LINGO2: variants seen among roughly 807,000 people sequenced by gnomAD.
The protein encoded by LINGO2 is leucine rich repeat and Ig domain containing 2, also known as leucine-rich repeat and immunoglobulin-like domain-containing nogo receptor-interacting protein 2.
In LINGO2, 14 loss-of-function variants were observed where a neutral mutation model predicts 30.6. The observed-to-expected ratio is 0.46, with a 90% CI of 0.30 to 0.72. The LOEUF (loss-of-function observed/expected upper bound fraction) is 0.72. Ranked by LOEUF, LINGO2 falls within the 30% of genes least tolerant of loss-of-function variation. LINGO2 has a pLI of 0.07. For synonymous variants in LINGO2, 317 were observed against 288.5 expected (o/e 1.10, Z -1.00); for missense variants, 729 against 751.7 (o/e 0.97, Z 0.35).
At chr9:29,072,188 A>G in the LINGO2 span, among the ~76,000 whole-genome samples, 1 of 152,092 alleles carries the variant, frequency 6.6e-6, no homozygotes, top group African/African-American at 2.4e-5. Flanking sequence ...TGAGGGCTAC[A>G]TAAGTTAATA....
the LINGO2 span, among the ~76,000 whole-genome samples, chr9:29,104,195 C>T: frequency 4.6e-5 from 7 of 152,098 alleles, no homozygotes; most frequent in Admixed American, 2.6e-4. Flanking sequence ...TGGTTTGGCT[C>T]TGCATCCCCA....
the LINGO2 span, among the ~76,000 whole-genome samples, chr9:28,719,788 T>C: frequency 1.3e-5 from 2 of 152,070 alleles, no homozygotes; most frequent in East Asian, 1.9e-4. Flanking sequence ...GCTTATTAAA[T>C]ATTAGAAATC....
chr9:28,214,867 T>G (rs914782911), intron 4 of LINGO2, among the ~76,000 whole-genome samples: 4 of 151,686 alleles, frequency 2.6e-5, no homozygotes, highest in African/African-American at 9.7e-5. Flanking sequence ...TCAATCTTTC[T>G]ATAAAATGTA....
At position 28,386,604 on chromosome 9, in the gene LINGO2, CT is replaced by C. The variant is rs540023467; in HGVS notation, c.-278-13737del. Among the ~76,000 whole-genome samples the C allele has an allele frequency of 6.6e-5, 10 of 152,172 alleles. No individual in the cohort carries two copies. In the South Asian group the frequency reaches 2.1e-3, roughly 32 times the overall value. Reference sequence around the variant, plus strand: ...TTCAATAAATACAAACTTTAATAGTCTTTTAAAACAATCATAGTTGCTTACC... The same window carrying C: ...TTCAATAAATACAAACTTTAATAGTCTTTAAAACAATCATAGTTGCTTACC... On this transcript the variant is annotated intron_variant, in intron 2 of 5. Transcript: ENST00000379992.
chr9:29,074,678 C>CTTTTT, the LINGO2 span, among the ~76,000 whole-genome samples: 106 of 88,016 alleles, frequency 1.2e-3, no homozygotes, highest in Non-Finnish European at 1.6e-3. Context: ...AAATTACTTA[C>CTTTTT]TTTTTTTTTT....
At chr9:28,571,367 C>T (rs1326613615) in intron 1 of LINGO2, among the ~76,000 whole-genome samples, 4 of 152,018 alleles carry the variant, frequency 2.6e-5, no homozygotes, top group Admixed American at 6.6e-5. Flanking sequence ...TACTGGTATT[C>T]CATATGCAGG....
At chr9:29,045,331 G>C in the LINGO2 span, among the ~76,000 whole-genome samples, 1 of 151,872 alleles carries the variant, frequency 6.6e-6, no homozygotes, top group Non-Finnish European at 1.5e-5. Flanking sequence ...GGACAAAAGG[G>C]GACTACTGTA....
chr9:28,323,195 C>A (rs1825109100), intron 3 of LINGO2, among the ~76,000 whole-genome samples: 1 of 152,154 alleles, frequency 6.6e-6, no homozygotes, highest in African/African-American at 2.4e-5. Context: ...AAAGGATCTT[C>A]AAAAAATTCA....
chr9:27,996,731 A>G (rs867457311), intron 5 of LINGO2, among the ~76,000 whole-genome samples: 1 of 152,222 alleles, frequency 6.6e-6, no homozygotes, highest in African/African-American at 2.4e-5. Flanking sequence ...AATGTATTGT[A>G]TATTTCAAAA....
At chr9:28,883,399 G>A in the LINGO2 span, among the ~76,000 whole-genome samples, 114 of 151,396 alleles carry the variant, frequency 7.5e-4, no homozygotes, top group Admixed American at 1.6e-3. Context: ...TTTACATAGT[G>A]TTCCTTCTGC....
intron 4 of LINGO2, among the ~76,000 whole-genome samples, chr9:28,289,282 A>G (rs1489618583): frequency 6.6e-6 from 1 of 152,164 alleles, no homozygotes; most frequent in African/African-American, 2.4e-5. Context: ...AAAACACTTA[A>G]CCTTTAACCA....
intron 2 of LINGO2, among the ~76,000 whole-genome samples, chr9:28,397,586 C>T (rs572113480): frequency 9.9e-4 from 126 of 127,186 alleles, no homozygotes; most frequent in African/African-American, 3.6e-3. Context: ...CTCAGTCTGT[C>T]GCCCAGGGTG....
At chr9:29,004,880 T>C in the LINGO2 span, among the ~76,000 whole-genome samples, 1 of 152,028 alleles carries the variant, frequency 6.6e-6, no homozygotes, top group Non-Finnish European at 1.5e-5. Flanking sequence ...TTGGACAATT[T>C]AATTAATCTG....
At chr9:28,759,586 G>A in the LINGO2 span, among the ~76,000 whole-genome samples, 1 of 151,860 alleles carries the variant, frequency 6.6e-6, no homozygotes, top group Non-Finnish European at 1.5e-5. Context: ...GGAGGCTGAG[G>A]CAGGAGAATG....
chr9:28,843,256 C>T, the LINGO2 span, among the ~76,000 whole-genome samples: 1 of 151,480 alleles, frequency 6.6e-6, no homozygotes, highest in Non-Finnish European at 1.5e-5. Context: ...ATCTTTTTGA[C>T]CTATAAAAAT....
the LINGO2 span, among the ~76,000 whole-genome samples, chr9:28,689,167 A>G: frequency 6.6e-6 from 1 of 152,196 alleles, no homozygotes; most frequent in Non-Finnish European, 1.5e-5. Flanking sequence ...TTCACATGTC[A>G]AAGAACTCCA....
the LINGO2 span, among the ~76,000 whole-genome samples, chr9:28,860,334 G>T: frequency 1.3e-5 from 2 of 152,048 alleles, no homozygotes; most frequent in African/African-American, 4.8e-5. Context: ...AAATAAAACA[G>T]ATTTCCCTCT....
chr9:29,054,099 A>G, the LINGO2 span, among the ~76,000 whole-genome samples: 1 of 152,300 alleles, frequency 6.6e-6, no homozygotes, highest in Non-Finnish European at 1.5e-5. Context: ...TATGGTTCTA[A>G]AAACACACAG....
At chr9:28,632,843 C>CTA (rs201755222) in intron 1 of LINGO2, among the ~76,000 whole-genome samples, 2 of 76,906 alleles carry the variant, frequency 2.6e-5, no homozygotes, top group South Asian at 7.3e-4. Context: ...ATATATAAAT[C>CTA]TATATATATT....
Sources: allele counts gnomAD v4.1 joint callset (sites outside exome capture counted in the v4.1 genomes callset), GRCh38; gene constraint gnomAD v4.1.1; transcripts MANE v1.5; gene names NCBI Gene and HGNC (gene_info 2026-07-23, HGNC 2026-07-21).